The following HDAC9 variants were observed in gnomAD, a reference collection of about 807,000 sequenced individuals.
The protein encoded by HDAC9 is MEF-2 interacting transcription repressor (MITR) protein.
HDAC9 carries 41 observed loss-of-function variants against 139.4 expected under a neutral mutation model. The observed-to-expected ratio is 0.29, with a 90% CI of 0.23 to 0.38. HDAC9 has a LOEUF of 0.38. HDAC9 is among the 10% of genes least tolerant of loss of function. HDAC9 has a pLI of 1.00. For missense variants in HDAC9, 1,147 were observed against 1,297.0 expected, an observed-to-expected ratio of 0.88 and a Z score of 1.78; for synonymous variants, 517 against 476.2, an observed-to-expected ratio of 1.09 and a Z score of -1.12.
chr7:18,444,586 G>A (rs2128096691), intron 1 of HDAC9, among the ~76,000 whole-genome samples: 1 of 152,052 alleles, frequency 6.6e-6, no homozygotes, highest in East Asian at 1.9e-4. Context: ...TGAGTTGATG[G>A]TATCCTAGAT....
intron 13 of HDAC9, among the ~76,000 whole-genome samples, chr7:18,732,654 TAC>T (rs572125787): frequency 0.024 from 2,531 of 104,096 alleles, 266 homozygotes; most frequent in African/African-American, 0.053. Context: ...TGTGTATATA[TAC>T]ACACACACGT....
chr7:18,599,665 T>C (rs1833422952), intron 6 of HDAC9, among the ~76,000 whole-genome samples: 1 of 151,772 alleles, frequency 6.6e-6, no homozygotes, highest in East Asian at 1.9e-4. Context: ...ATTGTATGGC[T>C]GAACCACTGT....
At chr7:18,509,283 C>T (rs2128181322) in intron 2 of HDAC9, 1 of 985,376 alleles carries the variant, frequency 1.0e-6, no homozygotes, top group East Asian at 1.1e-4. Flanking sequence ...CTCCACTTAA[C>T]TTCTGCCTTG....
intron 19 of HDAC9, among the ~76,000 whole-genome samples, chr7:18,834,797 T>G (rs562554561): frequency 6.6e-6 from 1 of 152,344 alleles, no homozygotes; most frequent in South Asian, 2.1e-4. Context: ...GAAGTGATTC[T>G]AACTGCGGAG....
chr7:18,661,616 G>T (rs1013140936), intron 11 of HDAC9, among the ~76,000 whole-genome samples: 1 of 151,848 alleles, frequency 6.6e-6, no homozygotes, highest in African/African-American at 2.4e-5. Flanking sequence ...AAAAAATAAG[G>T]TTTTTAAGAA....
intron 21 of HDAC9, among the ~76,000 whole-genome samples, chr7:18,870,511 A>G (rs1426278082): frequency 6.6e-6 from 1 of 152,142 alleles, no homozygotes; most frequent in Admixed American, 6.6e-5. Context: ...ATGTCCAATC[A>G]TAGGAGATGT....
rs187495743 is a variant in HDAC9 at position 18,894,540 on chromosome 7, T to A, written c.2803+19944T>A. 1.2e-3 allele frequency among the ~76,000 whole-genome samples: 177 copies of A among 151,600 alleles called. 1 individual carries two copies. The highest frequency in any genetic ancestry group is 3.7e-3 in the African/African-American group (152 of 41,312). On this transcript the variant is annotated intron_variant, in intron 22 of 25. Transcript: ENST00000686413. ...CTTCTGACCTAGACAAGATAAGGAG[T>A]TTGATGAGTTAAAAGCCTGATTAGA...
At chr7:18,253,244 T>A (rs1469208467) in intron 2 of HDAC9, among the ~76,000 whole-genome samples, 2 of 152,206 alleles carry the variant, frequency 1.3e-5, no homozygotes, top group African/African-American at 4.8e-5. Flanking sequence ...AATAGAACAA[T>A]TTATATTCTT....
At chr7:18,426,315 T>A (rs755634325) in intron 1 of HDAC9, among the ~76,000 whole-genome samples, 4 of 152,224 alleles carry the variant, frequency 2.6e-5, no homozygotes, top group Admixed American at 6.5e-5. Context: ...GTTTGCCAAG[T>A]GAGCTTTCAT....
At chr7:18,566,500 A>G (rs747633430) in intron 2 of HDAC9, among the ~76,000 whole-genome samples, 4 of 152,244 alleles carry the variant, frequency 2.6e-5, no homozygotes, top group Non-Finnish European at 5.9e-5. Context: ...TAAAGACTAA[A>G]AAAGTAAATC....
Position 18,858,964 on chromosome 7 carries a change from T to C in HDAC9, c.2685-15514T>C, listed in dbSNP as rs528875697. 6.6e-5 allele frequency among the ~76,000 whole-genome samples: 10 copies of C among 152,290 alleles called. No individual in the cohort carries two copies. In the East Asian group the frequency reaches 1.9e-3, roughly 29 times the overall value. ...ATTGAATCAGAGCACTTAGAAACAC[T>C]ATTTTTTCATCCAAAAATGCAGTTA... On this transcript the variant is annotated intron_variant, in intron 21 of 25. Coordinates refer to ENST00000686413, the MANE Select transcript of HDAC9 (RefSeq NM_178425.4).
chr7:18,364,198 A>C (rs1784001620), intron 1 of HDAC9, among the ~76,000 whole-genome samples: 1 of 152,266 alleles, frequency 6.6e-6, no homozygotes, highest in East Asian at 1.9e-4. Flanking sequence ...TGAAGATCCC[A>C]GGCTTTTGAG....
chr7:18,609,225 T>TAG (rs1300662673), intron 6 of HDAC9, among the ~76,000 whole-genome samples: 2 of 152,196 alleles, frequency 1.3e-5, no homozygotes, highest in Non-Finnish European at 2.9e-5. Flanking sequence ...TATATTGGCA[T>TAG]GGTTCAATTC....
intron 2 of HDAC9, among the ~76,000 whole-genome samples, chr7:18,529,686 T>G (rs1368719658): frequency 6.6e-6 from 1 of 152,156 alleles, no homozygotes; most frequent in African/African-American, 2.4e-5. Flanking sequence ...TCTCAATCAT[T>G]TCTTTAGTTG....
At chr7:18,796,245 A>G (rs1013716755) in intron 17 of HDAC9, among the ~76,000 whole-genome samples, 2 of 152,192 alleles carry the variant, frequency 1.3e-5, no homozygotes, top group African/African-American at 4.8e-5. Flanking sequence ...TGAGGACCTA[A>G]AAGATAAGAA....
intron 2 of HDAC9, among the ~76,000 whole-genome samples, chr7:18,242,840 T>G (rs546134124): frequency 5.3e-5 from 8 of 152,284 alleles, no homozygotes; most frequent in African/African-American, 1.2e-4. Context: ...TTATGTACCT[T>G]TAGAATGGAA....
Position 18,452,967 on chromosome 7 carries a change from T to C in HDAC9, c.-41-43295T>C, listed in dbSNP as rs946719603. 2.0e-5 allele frequency among the ~76,000 whole-genome samples: 3 copies of C among 152,212 alleles called. No homozygotes were observed. The South Asian group carries it at 6.2e-4, about 31-fold the overall frequency. On this transcript the variant is annotated intron_variant, in intron 1 of 3. Coordinates refer to the HDAC9 transcript ENST00000413509. The stretch of plus-strand genomic sequence containing the variant: ...ACACATAATATAAACTAGGATGCTC[T>C]ATCAAGGAAACAATAAAATGTTACC...
chr7:18,929,073 T>C (rs1804494979), intron 22 of HDAC9, among the ~76,000 whole-genome samples: 1 of 152,130 alleles, frequency 6.6e-6, no homozygotes, highest in African/African-American at 2.4e-5. Flanking sequence ...GAGAAGCATT[T>C]GAGACATGTC....
intron 23 of HDAC9, 65 bp downstream of exon 23, chr7:18,936,007 A>G: frequency 6.7e-7 from 1 of 1,485,932 alleles, no homozygotes; most frequent in Non-Finnish European, 9.1e-7. Flanking sequence ...GCATATTTTT[A>G]AACTAAAAAA....
Sources: gnomAD v4.1 joint callset for allele counts (sites outside exome capture counted in the v4.1 genomes callset) on GRCh38, gnomAD v4.1.1 for gene constraint, MANE v1.5 for transcripts, NCBI Gene and HGNC (gene_info 2026-07-23, HGNC 2026-07-21) for gene names.